CHODL: variants seen among roughly 807,000 people sequenced by gnomAD.
CHODL encodes the protein chondrolectin.
CHODL carries 29 observed loss-of-function variants against 34.5 expected under a neutral mutation model. The ratio of observed to expected loss-of-function variants is 0.84; its 90% CI spans 0.63 to 1.15. The LOEUF (loss-of-function observed/expected upper bound fraction) is 1.15. Among genes scored for constraint, CHODL ranks in the 50% most tolerant of loss-of-function variants. The pLI is 0.00. For synonymous variants in CHODL, 125 were observed against 116.1 expected (o/e 1.08, Z -0.49); for missense variants, 332 against 332.5 (o/e 1.00, Z 0.01).
intron 2 of CHODL, among the ~76,000 whole-genome samples, chr21:18,118,244 ACT>A (rs2065436811): frequency 6.6e-6 from 1 of 152,032 alleles, no homozygotes; most frequent in Admixed American, 6.6e-5. Context: ...TGCCATCAAA[ACT>A]CTGTTTAGGT....
chr21:18,187,047 C>T lies in CHODL; in HGVS notation c.-44-69462C>T, dbSNP rs370862515. ...ATAACTAACAGTAAAAGTTACTGTACTATAATACAGCAAAAGTCAGCAAGT... is the reference window on the plus strand; with the variant it reads ...ATAACTAACAGTAAAAGTTACTGTATTATAATACAGCAAAAGTCAGCAAGT... On this transcript the variant is annotated intron_variant, in intron 2 of 6. Coordinates refer to the CHODL transcript ENST00000400127. Among the ~76,000 whole-genome samples the T allele has an allele frequency of 7.9e-5, 12 of 152,186 alleles. No homozygotes were observed. The East Asian group carries it at 1.7e-3, about 22-fold the overall frequency.
At chr21:18,043,493 G>C (rs544983856) in intron 2 of CHODL, among the ~76,000 whole-genome samples, 1 of 151,972 alleles carries the variant, frequency 6.6e-6, no homozygotes, top group African/African-American at 2.4e-5. Context: ...CAGGATGTGT[G>C]GGAGTTCAGA....
At chr21:18,082,888 T>C (rs2064959121) in intron 2 of CHODL, among the ~76,000 whole-genome samples, 2 of 151,350 alleles carry the variant, frequency 1.3e-5, no homozygotes, top group Non-Finnish European at 2.9e-5. Context: ...TATAAAAGTT[T>C]GAAAAATTTG....
intron 2 of CHODL, among the ~76,000 whole-genome samples, chr21:18,155,393 C>T (rs920424164): frequency 2.0e-5 from 3 of 152,106 alleles, no homozygotes; most frequent in Admixed American, 2.0e-4. Flanking sequence ...TTCATTGTTT[C>T]CCTCCAAAGT....
chr21:17,973,187 C>A (rs1323319355), intron 1 of CHODL, among the ~76,000 whole-genome samples: 1 of 152,022 alleles, frequency 6.6e-6, no homozygotes, highest in African/African-American at 2.4e-5. Context: ...CCATAAAAAC[C>A]CTAGAAGAAA....
chr21:18,193,710 ATAAAATAAATAAAT>A (rs2073543866), intron 2 of CHODL, among the ~76,000 whole-genome samples: 1 of 143,238 alleles, frequency 7.0e-6, no homozygotes, highest in Admixed American at 7.2e-5. Context: ...AAAAAAAAAA[ATAAAATAAATAAAT>A]AAATAAATAA....
intron 1 of CHODL, among the ~76,000 whole-genome samples, chr21:17,957,154 A>G (rs989512420): frequency 5.3e-5 from 8 of 152,090 alleles, no homozygotes; most frequent in African/African-American, 1.9e-4. Context: ...ACTCTATCTA[A>G]TCAATCATTA....
chr21:18,093,004 C>T (rs1275635190), intron 2 of CHODL, among the ~76,000 whole-genome samples: 1 of 152,110 alleles, frequency 6.6e-6, no homozygotes, highest in Non-Finnish European at 1.5e-5. Flanking sequence ...GAACACCAAG[C>T]AGATTGATCC....
upstream of CHODL, among the ~76,000 whole-genome samples, chr21:18,242,621 AC>A (rs2074092968): frequency 6.6e-6 from 1 of 151,868 alleles, no homozygotes; most frequent in Admixed American, 6.6e-5. Flanking sequence ...ACCTTAAAAA[AC>A]ATCATATCTA....
At chr21:18,147,821 C>T (rs528428633) in intron 2 of CHODL, among the ~76,000 whole-genome samples, 2 of 152,284 alleles carry the variant, frequency 1.3e-5, no homozygotes, top group South Asian at 4.1e-4. Flanking sequence ...TCCAGTTTTG[C>T]TCAGCTAGTA....
At chr21:18,251,450 C>A (rs374190663) in intron 1 of CHODL, among the ~76,000 whole-genome samples, 4 of 3,904 alleles carry the variant, frequency 1.0e-3, no homozygotes, top group African/African-American at 2.1e-3. Context: ...TATAAAAATA[C>A]ATATTTATTT....
intron 1 of CHODL, among the ~76,000 whole-genome samples, chr21:17,994,671 T>G (rs1030011200): frequency 2.6e-5 from 4 of 152,166 alleles, no homozygotes; most frequent in Non-Finnish European, 4.4e-5. Flanking sequence ...CTGGATGATG[T>G]GCGTCAGTGA....
chr21:18,091,957 C>T (rs758342396), intron 2 of CHODL, among the ~76,000 whole-genome samples: 21 of 151,998 alleles, frequency 1.4e-4, no homozygotes, highest in Non-Finnish European at 2.1e-4. Context: ...TGGTAAATTG[C>T]GGATATTTTT....
At chr21:18,254,868 G>A (rs1354456043) in intron 1 of CHODL, among the ~76,000 whole-genome samples, 2 of 151,898 alleles carry the variant, frequency 1.3e-5, no homozygotes, top group Non-Finnish European at 2.9e-5. Context: ...ATTTAATTTT[G>A]AGATTTTTTT....
chr21:17,998,668 G>C (rs2063875266), intron 1 of CHODL, among the ~76,000 whole-genome samples: 2 of 152,350 alleles, frequency 1.3e-5, no homozygotes, highest in Non-Finnish European at 2.9e-5. Context: ...AGCTGCCAAG[G>C]CTTGGGGCTT....
intron 2 of CHODL, among the ~76,000 whole-genome samples, chr21:18,186,303 G>A (rs1234204792): frequency 4.6e-5 from 7 of 151,824 alleles, no homozygotes; most frequent in Non-Finnish European, 5.9e-5. Context: ...GGAGAAAAAC[G>A]TTTGGATTGG....
intron 2 of CHODL, among the ~76,000 whole-genome samples, chr21:18,074,498 G>C (rs753678750): frequency 1.3e-5 from 2 of 152,158 alleles, no homozygotes; most frequent in Non-Finnish European, 2.9e-5. Flanking sequence ...TCGAGACATT[G>C]CTATAAAGAA....
intron 2 of CHODL, among the ~76,000 whole-genome samples, chr21:18,083,837 A>G (rs1159873186): frequency 1.3e-5 from 2 of 152,208 alleles, no homozygotes; most frequent in African/African-American, 4.8e-5. Flanking sequence ...TTATAGGCTC[A>G]TGGACAGAAG....
At chr21:18,157,013 C>G (rs1390153014) in intron 2 of CHODL, among the ~76,000 whole-genome samples, 1 of 152,184 alleles carries the variant, frequency 6.6e-6, no homozygotes, top group African/African-American at 2.4e-5. Context: ...CATGCAAGTT[C>G]AAAGTTCCAA....
Sources: allele counts gnomAD v4.1 joint callset (sites outside exome capture counted in the v4.1 genomes callset), GRCh38; gene constraint gnomAD v4.1.1; transcripts MANE v1.5; gene names NCBI Gene and HGNC (gene_info 2026-07-23, HGNC 2026-07-21).